SEC14L3: variants seen among roughly 807,000 people sequenced by gnomAD.
SEC14L3 encodes SEC14-like protein 3.
In SEC14L3, 56 loss-of-function variants were observed where a neutral mutation model predicts 57.4. The ratio of observed to expected loss-of-function variants is 0.97; its 90% CI spans 0.79 to 1.22. SEC14L3 has a LOEUF of 1.22. Ranked by LOEUF, SEC14L3 falls within the 50% of genes most tolerant of loss-of-function variation. The probability of loss-of-function intolerance (pLI) is 0.00; values close to 1 mark genes in which losing one functional copy is unlikely to be tolerated. For synonymous variants in SEC14L3, 173 were observed against 194.4 expected (o/e 0.89, Z 0.92); for missense variants, 485 against 511.7 (o/e 0.95, Z 0.50).
At chr22:30,466,293 G>C in intron 7 of SEC14L3, 41 bp downstream of exon 7, 1 of 1,581,360 alleles carries the variant, frequency 6.3e-7, no homozygotes, top group Non-Finnish European at 8.7e-7. Flanking sequence ...GTACAGATGA[G>C]GAAACAGAGG....
At chr22:30,457,229 G>C (rs2146093590), downstream of SEC14L3, among the ~76,000 whole-genome samples, 1 of 152,126 alleles carries the variant, frequency 6.6e-6, no homozygotes, top group South Asian at 2.1e-4. Context: ...CGTCTTCCAA[G>C]AAGGTGAACC....
At position 30,459,960 on chromosome 22, in the gene SEC14L3, G is replaced by T. The variant is rs1935197896; in HGVS notation, c.*61C>A. ...ACAATCAATTTCAGGGAGGGAGGGA[G>T]TGTAGGATATAAACAGAGAAATCAA... On this transcript the variant is annotated 3_prime_UTR_variant, in exon 12 of 12. Transcript: ENST00000215812. The T allele has an allele frequency of 6.3e-7, 1 of 1,584,554 alleles. No homozygotes were observed.
chr22:30,470,977 A>G (rs757653429), intron 1 of SEC14L3, among the ~76,000 whole-genome samples: 2 of 152,034 alleles, frequency 1.3e-5, no homozygotes, highest in Non-Finnish European at 2.9e-5. Flanking sequence ...AGGAAGAGGG[A>G]TGGGTGGATG....
chr22:30,455,237 T>TAATATATTATATATAATATATAATATA (rs1935100645), downstream of SEC14L3, among the ~76,000 whole-genome samples: 2 of 122,348 alleles, frequency 1.6e-5, no homozygotes, highest in South Asian at 4.5e-4. Context: ...TATATAATAT[T>TAATATATTATATATAATATATAATATA]TAATATATTA....
intron 4 of SEC14L3, 34 bp from the exon 5 acceptor site, chr22:30,468,730 A>AGAC (rs749312901): frequency 2.1e-5 from 34 of 1,613,864 alleles, no homozygotes; most frequent in Admixed American, 1.7e-4. Flanking sequence ...ACTTGGCATT[A>AGAC]CACACCTCCC....
downstream of SEC14L3, among the ~76,000 whole-genome samples, chr22:30,458,057 G>A (rs1336271784): frequency 2.6e-5 from 4 of 152,200 alleles, no homozygotes; most frequent in South Asian, 2.1e-4. Flanking sequence ...GCCTGCCCAC[G>A]GATGAGCTCA....
At position 30,459,954 on chromosome 22, in the gene SEC14L3, G is replaced by C. The variant is rs1486859093; in HGVS notation, c.*67C>G. 1.3e-6 allele frequency: 2 copies of C among 1,572,266 alleles called. No homozygotes were observed. Among genetic ancestry groups the C allele is most frequent in the Non-Finnish European group, 1.7e-6 (2 of 1,154,932 alleles). On this transcript the variant is annotated 3_prime_UTR_variant, in exon 12 of 12. Transcript: ENST00000215812. The stretch of plus-strand genomic sequence containing the variant: ...GGACTAACAATCAATTTCAGGGAGG[G>C]AGGGAGTGTAGGATATAAACAGAGA...
chr22:30,467,153 C>G, intron 5 of SEC14L3, 76 bp from the exon 6 acceptor site: 1 of 1,594,222 alleles, frequency 6.3e-7, no homozygotes, highest in Non-Finnish European at 8.5e-7. Context: ...AGTACATGAC[C>G]CCTTGGGGCT....
At position 30,466,374 on chromosome 22, in the gene SEC14L3, C is replaced by A. The variant is rs540971001; in HGVS notation, c.540G>T (p.Glu180Asp). The stretch of plus-strand genomic sequence containing the variant: ...TGAACTTCAGGGTCTCTGGGTAATT[C>A]TCTTCAAGGAGGCCAAAGAACTGTG... Reference protein sequence around the residue: ...VYQEFFGLLEENYPETLKFML... With the variant: ...VYQEFFGLLEDNYPETLKFML... The change falls in exon 7 of 12, where the codon GAG (glutamate) becomes GAT (aspartate). Residue 180 changes from glutamate to aspartate, a missense_variant. Transcript: ENST00000215812. The A allele has an allele frequency of 1.9e-6, 3 of 1,614,024 alleles. No individual in the cohort carries two copies. Among genetic ancestry groups the A allele is most frequent in the Non-Finnish European group, 2.5e-6 (3 of 1,180,014 alleles).
chr22:30,462,412 T>A, intron 8 of SEC14L3: 1 of 244,294 alleles, frequency 4.1e-6, no homozygotes. Flanking sequence ...GAATCAGCAC[T>A]TTTTTTTTCT....
intron 4 of SEC14L3, 25 bp downstream of exon 4, chr22:30,469,992 CTG>C: frequency 6.7e-7 from 1 of 1,503,464 alleles, no homozygotes; most frequent in Non-Finnish European, 9.0e-7. Context: ...CCGTGAAAGA[CTG>C]AGGTGTTTGG....
downstream of SEC14L3, among the ~76,000 whole-genome samples, chr22:30,456,534 G>T (rs1414474138): frequency 1.3e-5 from 2 of 151,900 alleles, no homozygotes; most frequent in Non-Finnish European, 2.9e-5. Flanking sequence ...AAGAGGGGAG[G>T]GGTGCCAGCC....
At chr22:30,455,011 AAT>A (rs1340644800), downstream of SEC14L3, among the ~76,000 whole-genome samples, 2 of 73,562 alleles carry the variant, frequency 2.7e-5, no homozygotes, top group African/African-American at 6.7e-5. Flanking sequence ...ATAGATGTAT[AAT>A]ATATTATATA....
chr22:30,465,140 C>A (rs1935379324), intron 7 of SEC14L3, among the ~76,000 whole-genome samples: 1 of 152,142 alleles, frequency 6.6e-6, no homozygotes, highest in African/African-American at 2.4e-5. Context: ...GCCAACAAAC[C>A]AGCCAGTCAT....
rs1276370343 is a variant in SEC14L3 at position 30,461,384 on chromosome 22, A to AC, written c.1006dup (p.Val336GlyfsTer8). On this transcript the variant is annotated frameshift_variant, in exon 11 of 12. Coordinates refer to ENST00000215812, the MANE Select transcript of SEC14L3 (RefSeq NM_174975.5). LOFTEE classifies it high-confidence loss of function. ...GGCGTTATAGCGCTGGCTGGGTAGA[A>AC]CATCTGTCATCTCCCCTGCCCGCTG... 5 of 1,613,846 alleles carry AC rather than the reference A, an allele frequency of 3.1e-6. No individual in the cohort carries two copies. The South Asian group carries it at 4.4e-5, about 14-fold the overall frequency.
chr22:30,464,879 T>G lies in SEC14L3; in HGVS notation c.605A>C (p.Tyr202Ser), dbSNP rs1429680520. ...ACTCAGGAATGGCTTCATGAGGTTG[T>G]AGCCCACAGGGAACAGTTTGGTAGC... ...VKATKLFPVG[Y>S]NLMKPFLSED... The change falls in exon 8 of 12, where the codon TAC (tyrosine) becomes TCC (serine). Residue 202 changes from tyrosine to serine, a missense_variant. Transcript: ENST00000215812. 6.2e-7 allele frequency: 1 copy of G among 1,613,870 alleles called. No homozygotes were observed. Among genetic ancestry groups the G allele is most frequent in the African/African-American group, 1.3e-5 (1 of 74,924 alleles).
intron 6 of SEC14L3, 38 bp downstream of exon 6, chr22:30,466,944 C>T (rs767008831): frequency 3.0e-5 from 47 of 1,587,274 alleles, no homozygotes; most frequent in Non-Finnish European, 3.8e-5. Flanking sequence ...AGCTGGTCAT[C>T]AAAGCAAGCG....
In SEC14L3 at chr22:30,464,805, G is replaced by A. The variant is rs771673436; in HGVS notation, c.664+15C>T. On this transcript the variant is annotated intron_variant, in intron 8 of 11. Coordinates refer to ENST00000215812, the MANE Select transcript of SEC14L3 (RefSeq NM_174975.5). ...TCATGTATAGAGGTCAGGAAATTGA[G>A]CTGGCACTACTTACTTCCCAACACA... The A allele has an allele frequency of 3.1e-6, 5 of 1,613,330 alleles. No individual in the cohort carries two copies. The highest frequency in any genetic ancestry group is 2.2e-5 in the South Asian group (2 of 91,060).
Position 30,461,690 on chromosome 22 carries a change from T to G in SEC14L3, c.776A>C (p.Asn259Thr). The G allele has an allele frequency of 6.2e-7, 1 of 1,612,520 alleles. No individual in the cohort carries two copies. Among genetic ancestry groups the G allele is most frequent in the Non-Finnish European group, 8.5e-7 (1 of 1,179,308 alleles). Residue 259 changes from asparagine (N) to threonine (T), a missense_variant, in exon 10 of 12, where the codon AAC becomes ACC. Asn to Thr is a moderately conservative substitution (Grantham distance 65). Transcript: ENST00000215812. ...DGNPKCLTKI[N>T]YGGEIPKSMY... ...GGACTTGGGGATCTCCCCGCCATAG[T>G]TAATCTGCGGACATGGGATGAGATG...
Sources: allele counts gnomAD v4.1 joint callset (sites outside exome capture counted in the v4.1 genomes callset), GRCh38; gene constraint gnomAD v4.1.1; transcripts MANE v1.5; gene names NCBI Gene and HGNC (gene_info 2026-07-23, HGNC 2026-07-21).